The following GAREM1 variants were observed in gnomAD, a reference collection of about 807,000 sequenced individuals.
The protein encoded by GAREM1 is GRB2 associated regulator of MAPK1 subtype 1.
Under a neutral mutation model 71.3 loss-of-function variants are expected in GAREM1, and 26 were observed. That is an observed-to-expected ratio of 0.36 (90% CI 0.27 to 0.51). The LOEUF is 0.51. Ranked by LOEUF, GAREM1 falls within the 20% of genes least tolerant of loss-of-function variation. The pLI is 0.95. For missense variants in GAREM1, 1,026 were observed against 1,103.1 expected (o/e 0.93, Z 0.99); for synonymous variants, 440 against 433.2 (o/e 1.02, Z -0.20).
At position 32,413,970 on chromosome 18, in the gene GAREM1, T is replaced by A. The variant is rs149899370; in HGVS notation, c.122-20935A>T. On this transcript the variant is annotated intron_variant, in intron 1 of 5. Transcript: ENST00000269209. Reference sequence around the variant, plus strand: ...TTAGTCATACTTACATAGGAATATTTCCTAAACTTGTCATCTGAGACATGG... The same window carrying A: ...TTAGTCATACTTACATAGGAATATTACCTAAACTTGTCATCTGAGACATGG... Among the ~76,000 whole-genome samples the A allele has an allele frequency of 2.9e-3, 438 of 152,242 alleles. 1 individual carries two copies. Among genetic ancestry groups the A allele is most frequent in the Non-Finnish European group, 4.3e-3 (289 of 67,998 alleles).
rs773944712 is a variant in GAREM1, at chr18:32,267,855, G to T, written c.*16C>A. Reference sequence around the variant, plus strand: ...CATTGATCAGTTTTGTTCCATGCTGGCCGGGGGTTATTTGGCTATATTTTG... The same window carrying T: ...CATTGATCAGTTTTGTTCCATGCTGTCCGGGGGTTATTTGGCTATATTTTG... On this transcript the variant is annotated 3_prime_UTR_variant, in exon 6 of 6. Coordinates refer to ENST00000269209, the MANE Select transcript of GAREM1 (RefSeq NM_001242409.2). The T allele has an allele frequency of 6.3e-7, 1 of 1,597,036 alleles. No homozygotes were observed. Among genetic ancestry groups the T allele is most frequent in the South Asian group, 1.1e-5 (1 of 88,018 alleles).
chr18:32,358,876 C>T (rs73956902), intron 2 of GAREM1, among the ~76,000 whole-genome samples: 15,630 of 152,130 alleles, frequency 0.1, 1,435 homozygotes, highest in African/African-American at 0.24. Flanking sequence ...CTGTGCAAAA[C>T]GAAAACGTGG....
intron 2 of GAREM1, among the ~76,000 whole-genome samples, chr18:32,364,438 C>T (rs773797085): frequency 2.0e-5 from 3 of 151,848 alleles, no homozygotes; most frequent in Non-Finnish European, 2.9e-5. Flanking sequence ...CATGCACGTG[C>T]AAGTGCGTGC....
chr18:32,267,588 G>C lies in GAREM1; in HGVS notation c.*283C>G. On this transcript the variant is annotated 3_prime_UTR_variant, in exon 6 of 6. Coordinates refer to ENST00000269209, the MANE Select transcript of GAREM1 (RefSeq NM_001242409.2). ...TACCTTCTCACATAAACCTACTTGG[G>C]TAAGAATGATTTCTCTGCACATGCC... The C allele has an allele frequency of 3.5e-6, 1 of 284,870 alleles. No homozygotes were observed. Among genetic ancestry groups the C allele is most frequent in the Non-Finnish European group, 6.5e-6 (1 of 154,746 alleles). 17.6% of individuals were successfully genotyped at this position (284,870 alleles called of 1,614,324 possible).
chr18:32,455,886 A>G (rs1255433244), intron 1 of GAREM1, among the ~76,000 whole-genome samples: 1 of 152,168 alleles, frequency 6.6e-6, no homozygotes, highest in East Asian at 1.9e-4. Flanking sequence ...TTCTACTACT[A>G]AAAGAGCAAA....
intron 2 of GAREM1, among the ~76,000 whole-genome samples, chr18:32,363,995 C>CACATATATATATATATATATAT (rs1555638702): frequency 4.7e-5 from 1 of 21,330 alleles, no homozygotes; most frequent in Non-Finnish European, 8.5e-5. Context: ...TACATATATA[C>CACATATATATATATATATATAT]ATATATATAT....
intron 2 of GAREM1, among the ~76,000 whole-genome samples, chr18:32,389,225 G>T (rs1334573494): frequency 6.6e-6 from 1 of 152,146 alleles, no homozygotes; most frequent in African/African-American, 2.4e-5. Context: ...ACATTGAGGG[G>T]TGTCAGTATT....
At position 32,264,524 on chromosome 18, in the gene GAREM1, G is replaced by A. The variant is rs2041347225; in HGVS notation, c.*3347C>T. 6.6e-6 allele frequency: 1 copy of A among 152,174 alleles called. No individual in the cohort carries two copies. Among genetic ancestry groups the A allele is most frequent in the Admixed American group, 6.5e-5 (1 of 15,270 alleles). The allele number at this position is 152,174 out of a possible 1,614,324, so 9.4% of individuals were successfully genotyped here. ...TGGAATGTGAGCAGAGACTGTTTAT[G>A]CATGTGTCTGAGAACAGTTGGAACG... On this transcript the variant is annotated 3_prime_UTR_variant, in exon 6 of 6. Coordinates refer to ENST00000269209, the MANE Select transcript of GAREM1 (RefSeq NM_001242409.2).
chr18:32,444,478 C>A (rs995782922), intron 1 of GAREM1, among the ~76,000 whole-genome samples: 7 of 152,080 alleles, frequency 4.6e-5, no homozygotes, highest in Non-Finnish European at 1.0e-4. Flanking sequence ...CTGGTTTCAA[C>A]GGGATGATTC....
At chr18:32,346,608 A>G (rs2047699523) in intron 2 of GAREM1, among the ~76,000 whole-genome samples, 1 of 152,200 alleles carries the variant, frequency 6.6e-6, no homozygotes, top group African/African-American at 2.4e-5. Flanking sequence ...AGGGTAGGAG[A>G]ACAAATGGTT....
chr18:32,369,465 T>C (rs184609792), intron 2 of GAREM1, among the ~76,000 whole-genome samples: 4 of 152,346 alleles, frequency 2.6e-5, no homozygotes, highest in East Asian at 1.9e-4. Context: ...TTTATCTATA[T>C]GTATGATACA....
chr18:32,321,074 T>C (rs2047423652), intron 2 of GAREM1, among the ~76,000 whole-genome samples: 1 of 152,184 alleles, frequency 6.6e-6, no homozygotes, highest in Admixed American at 6.5e-5. Context: ...TGCCCTTCCA[T>C]TATCACATTA....
At chr18:32,430,057 A>T (rs1414959353) in intron 1 of GAREM1, among the ~76,000 whole-genome samples, 1 of 152,216 alleles carries the variant, frequency 6.6e-6, no homozygotes, top group Non-Finnish European at 1.5e-5. Context: ...TTTCATTTGA[A>T]CACTGAAAGA....
At chr18:32,298,688 T>C (rs1166208722) in intron 3 of GAREM1, among the ~76,000 whole-genome samples, 3 of 152,202 alleles carry the variant, frequency 2.0e-5, no homozygotes, top group Non-Finnish European at 4.4e-5. Flanking sequence ...GTTCTGGCAA[T>C]AGGAAATCTG....
intron 2 of GAREM1, among the ~76,000 whole-genome samples, chr18:32,319,497 G>C (rs1189307234): frequency 6.6e-6 from 1 of 152,152 alleles, no homozygotes; most frequent in Non-Finnish European, 1.5e-5. Flanking sequence ...TTGTATAAAT[G>C]TTCACCTCCA....
intron 1 of GAREM1, among the ~76,000 whole-genome samples, chr18:32,467,536 G>A (rs866430716): frequency 6.6e-6 from 1 of 152,126 alleles, no homozygotes; most frequent in Non-Finnish European, 1.5e-5. Context: ...GTGTTGCTGA[G>A]GATTTGAGAC....
intron 1 of GAREM1, among the ~76,000 whole-genome samples, chr18:32,393,749 T>C (rs1197435375): frequency 6.6e-6 from 1 of 152,192 alleles, no homozygotes; most frequent in Non-Finnish European, 1.5e-5. Flanking sequence ...CTGAAGTATC[T>C]TTTCGGCATT....
intron 1 of GAREM1, among the ~76,000 whole-genome samples, chr18:32,428,591 C>T (rs1181917462): frequency 1.3e-5 from 2 of 152,270 alleles, no homozygotes; most frequent in East Asian, 3.9e-4. Context: ...CCTGAGGCCT[C>T]CCCAGAAACT....
chr18:32,267,735 C>T lies in GAREM1; in HGVS notation c.*136G>A. The T allele has an allele frequency of 1.5e-6, 1 of 664,500 alleles. No individual in the cohort carries two copies. The highest frequency in any genetic ancestry group is 2.5e-6 in the Non-Finnish European group (1 of 394,468). 41.2% of individuals were successfully genotyped at this position (664,500 alleles called of 1,614,324 possible). A position where few individuals can be genotyped will look rare whatever the true frequency, so the allele number is the denominator to read the frequency against. On this transcript the variant is annotated 3_prime_UTR_variant, in exon 6 of 6. Coordinates refer to ENST00000269209, the MANE Select transcript of GAREM1 (RefSeq NM_001242409.2). ...CCTGTTCACCATTCAAAAACGTAAT[C>T]TGCATAGTAAGAGTTTCTCTTATCC...
Sources: gnomAD v4.1 joint callset for allele counts (sites outside exome capture counted in the v4.1 genomes callset) on GRCh38, gnomAD v4.1.1 for gene constraint, MANE v1.5 for transcripts, NCBI Gene and HGNC (gene_info 2026-07-23, HGNC 2026-07-21) for gene names.